The following EPS8L2 variants were observed in gnomAD, a reference collection of about 807,000 sequenced individuals.
EPS8L2 encodes the protein epidermal growth factor receptor kinase substrate 8-like protein 2.
A neutral mutation model predicts 99.4 loss-of-function variants in EPS8L2; 81 were observed. That is an observed-to-expected ratio of 0.82 (90% CI 0.68 to 0.98). The LOEUF (loss-of-function observed/expected upper bound fraction) is 0.98. EPS8L2 is among the 50% of genes least tolerant of loss of function. EPS8L2 has a pLI of 0.00. For synonymous variants in EPS8L2, 509 were observed against 407.3 expected, an observed-to-expected ratio of 1.25 and a Z score of -3.01; for missense variants, 1,155 against 968.8, an observed-to-expected ratio of 1.19 and a Z score of -2.55.
At chr11:708,943 C>T in intron 1 of EPS8L2, 1 of 143,520 alleles carries the variant, frequency 7.0e-6, no homozygotes, top group South Asian at 2.3e-4. Flanking sequence ...CCCCAACCCC[C>T]ACCGCACCCC....
intron 4 of EPS8L2, among the ~76,000 whole-genome samples, chr11:718,964 G>C (rs1297318437): frequency 6.9e-6 from 1 of 144,878 alleles, no homozygotes; most frequent in African/African-American, 2.5e-5. Flanking sequence ...CACTGCGCCC[G>C]ATCTTTTTTT....
At position 724,898 on chromosome 11, in the gene EPS8L2, G is replaced by C. The variant is rs1862275473; in HGVS notation, c.1560+69G>C. ...GGGCTTCAAGGGAGGGGCTACCAGG[G>C]GAGGTGGGGAGCGGTCTAGGGCCAG... is the stretch of plus-strand genomic sequence containing the variant. On this transcript the variant is annotated intron_variant, in intron 16 of 20. Transcript: ENST00000318562. The surrounding 1 kb of genome is among the most constrained non-coding windows in gnomAD (Gnocchi z 5.5). 5 of 1,223,700 alleles carry C rather than the reference G, an allele frequency of 4.1e-6. No individual in the cohort carries two copies. Among genetic ancestry groups the C allele is most frequent in the African/African-American group, 1.5e-5 (1 of 67,534 alleles). The allele number at this position is 1,223,700 out of a possible 1,614,324, so 75.8% of individuals were successfully genotyped here. A position where few individuals can be genotyped will look rare whatever the true frequency, so the allele number is the denominator to read the frequency against.
intron 4 of EPS8L2, among the ~76,000 whole-genome samples, chr11:719,016 AG>A (rs1369783352): frequency 7.7e-6 from 1 of 129,544 alleles, no homozygotes; most frequent in East Asian, 2.3e-4. Flanking sequence ...CCCAGCCTGG[AG>A]TGTAGTGGTG....
chr11:708,738 C>G (rs1435829547), intron 1 of EPS8L2: 1 of 152,488 alleles, frequency 6.6e-6, no homozygotes, highest in South Asian at 2.1e-4. Context: ...AGCCAAGGGC[C>G]AGCCTCTTTG....
At chr11:720,017 C>A in intron 4 of EPS8L2, 45 bp from the exon 5 acceptor site, 1 of 1,565,774 alleles carries the variant, frequency 6.4e-7, no homozygotes, top group Non-Finnish European at 8.7e-7. Flanking sequence ...GGGCTTTCGA[C>A]ACAAGGAGGG....
At chr11:707,918 G>A (rs1028805088) in intron 1 of EPS8L2, among the ~76,000 whole-genome samples, 1 of 152,172 alleles carries the variant, frequency 6.6e-6, no homozygotes, top group Non-Finnish European at 1.5e-5. Flanking sequence ...CAAACACTCA[G>A]GCTCGCCACT....
At chr11:715,024 C>G (rs1220715143) in intron 4 of EPS8L2, among the ~76,000 whole-genome samples, 3 of 152,102 alleles carry the variant, frequency 2.0e-5, no homozygotes, top group African/African-American at 7.2e-5. Flanking sequence ...GGGCAGATCA[C>G]AAGGTCAGGA....
Position 726,599 on chromosome 11 carries a change from GC to G in EPS8L2, c.1935-17del. 6.5e-7 allele frequency: 1 copy of G among 1,540,522 alleles called. No individual in the cohort carries two copies. Among genetic ancestry groups the G allele is most frequent in the Non-Finnish European group, 8.8e-7 (1 of 1,141,760 alleles). On this transcript the variant is annotated intron_variant, in intron 19 of 20. Coordinates refer to ENST00000318562, the MANE Select transcript of EPS8L2 (RefSeq NM_022772.4). ...GCCTCGCTCACAGCGCGGCCCTGAC[GC>G]CCAACTGCCCGCCCCCAGGATCGTG...
chr11:720,419 G>A, intron 5 of EPS8L2, 178 bp from the exon 6 acceptor site: 1 of 1,161,462 alleles, frequency 8.6e-7, no homozygotes, highest in Non-Finnish European at 1.2e-6. Flanking sequence ...TTGGAAGCCG[G>A]GGTCAGCCTT....
Position 726,482 on chromosome 11 carries a change from G to A in EPS8L2, c.1932G>A (p.Pro644=). ...GGCTGGAAGCCAAGGCCTTCAGCCC[G>A]CGGTGAGCGGGGGCGGGGGATGAGC... ...RAWLEAKAFS[P]RIVENLGILT... is the part of the protein sequence containing the mutation. The change falls in exon 19 of 21, where the codon CCG becomes CCA. Residue 644 remains proline (P), a splice_region_variant and synonymous_variant. Transcript: ENST00000318562. 4 of 1,552,982 alleles carry A rather than the reference G, an allele frequency of 2.6e-6. No homozygotes were observed. The highest frequency in any genetic ancestry group is 1.2e-5 in the South Asian group (1 of 84,224).
intron 1 of EPS8L2, among the ~76,000 whole-genome samples, chr11:707,881 G>A (rs559620521): frequency 1.3e-5 from 2 of 152,114 alleles, no homozygotes; most frequent in African/African-American, 4.8e-5. Flanking sequence ...GGCGCCCTTG[G>A]TGGAGCCCGC....
At chr11:726,053 G>A (rs1224912497) in intron 17 of EPS8L2, 45 bp from the exon 18 acceptor site, 2 of 1,391,728 alleles carry the variant, frequency 1.4e-6, no homozygotes, top group Admixed American at 4.1e-5. Context: ...GTGCTGGGAG[G>A]CGGGGGCGGG....
At chr11:711,007 C>T (rs921089253) in intron 4 of EPS8L2, among the ~76,000 whole-genome samples, 13 of 152,094 alleles carry the variant, frequency 8.5e-5, no homozygotes, top group Non-Finnish European at 1.6e-4. Context: ...ATGGGAAGAG[C>T]CCCTGGAGGA....
intron 1 of EPS8L2, among the ~76,000 whole-genome samples, chr11:707,802 G>T (rs554195772): frequency 1.2e-3 from 184 of 152,266 alleles, no homozygotes; most frequent in Middle Eastern, 3.4e-3. Flanking sequence ...ATGTTTGCGT[G>T]CCCCCAGGCC....
Position 726,739 on chromosome 11 carries a change from G to C in EPS8L2, c.2055G>C (p.Lys685Asn). The C allele has an allele frequency of 6.3e-7, 1 of 1,593,552 alleles. No individual in the cohort carries two copies. The highest frequency in any genetic ancestry group is 8.5e-7 in the Non-Finnish European group (1 of 1,171,908). Residue 685 changes from lysine (K) to asparagine (N), a missense_variant, in exon 20 of 21, where the codon AAG becomes AAC. Coordinates refer to ENST00000318562, the MANE Select transcript of EPS8L2 (RefSeq NM_022772.4). ...TGTACAGCCAGCTCACCATGCAGAA[G>C]GCCTTCCTGGAGGTGAGCCCGCCTG... Reference protein sequence around the residue: ...VRVYSQLTMQKAFLEKQQSGS... With the variant: ...VRVYSQLTMQNAFLEKQQSGS...
At chr11:714,236 CT>C (rs71464110) in intron 4 of EPS8L2, among the ~76,000 whole-genome samples, 42 of 145,132 alleles carry the variant, frequency 2.9e-4, no homozygotes, top group Non-Finnish European at 2.4e-4. Flanking sequence ...TTTCTTTTTT[CT>C]TTTTTTTTTT....
Position 724,820 on chromosome 11 carries a change from G to A in EPS8L2, c.1551G>A (p.Glu517=), listed in dbSNP as rs768233960. ...ACGAGCTATCGGTGCTCAAGGATGA[G>A]GTCCTAGAGGTGAGGGGCTGGAGGA... ...NANELSVLKD[E]VLEVLEDGRQ... is the part of the protein sequence containing the mutation. The change falls in exon 16 of 21, where the codon GAG becomes GAA. Residue 517 remains glutamate (E), a synonymous_variant. Transcript: ENST00000318562. This position sits in a 1 kb window ranked among gnomAD's most constrained non-coding sequence, Gnocchi z 5.5. The A allele has an allele frequency of 3.1e-6, 5 of 1,611,080 alleles. No homozygotes were observed. Among genetic ancestry groups the A allele is most frequent in the Non-Finnish European group, 4.2e-6 (5 of 1,177,850 alleles).
Position 724,809 on chromosome 11 carries a change from C to A in EPS8L2, c.1540C>A (p.Leu514Ile), listed in dbSNP as rs1340427889. Residue 514 changes from leucine (L) to isoleucine (I), a missense_variant, in exon 16 of 21, where the codon CTC (leucine) becomes ATC (isoleucine). Coordinates refer to ENST00000318562, the MANE Select transcript of EPS8L2 (RefSeq NM_022772.4). This position sits in a 1 kb window ranked among gnomAD's most constrained non-coding sequence, Gnocchi z 5.5. ...CCGAAATGCCAACGAGCTATCGGTG[C>A]TCAAGGATGAGGTCCTAGAGGTGAG... Reference protein sequence around the residue: ...TARNANELSVLKDEVLEVLED... With the variant: ...TARNANELSVIKDEVLEVLED... 1.2e-6 allele frequency: 2 copies of A among 1,612,966 alleles called. No homozygotes were observed. Among genetic ancestry groups the A allele is most frequent in the Non-Finnish European group, 1.7e-6 (2 of 1,179,534 alleles).
Position 726,664 on chromosome 11 carries a change from C to T in EPS8L2, c.1980C>T (p.Ser660=), listed in dbSNP as rs1258820672. The change falls in exon 20 of 21, where the codon TCC becomes TCT. Residue 660 remains serine (S), a synonymous_variant. Transcript: ENST00000318562. The part of the protein sequence containing the change: ...LGILTGPQLF[S]LNKEELKKVC... ...TCCTGACCGGGCCGCAGCTCTTCTC[C>T]CTCAACAAGGAGGAGCTGAAGAAAG... 6 of 1,567,986 alleles carry T rather than the reference C, an allele frequency of 3.8e-6. No individual in the cohort carries two copies. The South Asian group carries it at 7.0e-5, about 18-fold the overall frequency.
Sources: allele counts gnomAD v4.1 joint callset (sites outside exome capture counted in the v4.1 genomes callset), GRCh38; gene constraint gnomAD v4.1.1; non-coding constraint Gnocchi (gnomAD v3.1); transcripts MANE v1.5; gene names NCBI Gene and HGNC (gene_info 2026-07-23, HGNC 2026-07-21).